Variants in SSPN observed in about 807,000 individuals in gnomAD.
SSPN encodes sarcospan.
SSPN carries 15 observed loss-of-function variants against 19.1 expected under a neutral mutation model. That is an observed-to-expected ratio of 0.78 (90% CI 0.52 to 1.21). The LOEUF (loss-of-function observed/expected upper bound fraction) is 1.21, where lower values mean the gene tolerates loss of function less well. Among genes scored for constraint, SSPN ranks in the 50% most tolerant of loss-of-function variants. The probability of loss-of-function intolerance (pLI) is 0.00; values close to 1 mark genes in which losing one functional copy is unlikely to be tolerated. For synonymous variants in SSPN, 147 were observed against 140.3 expected (o/e 1.05, Z -0.34); for missense variants, 291 against 314.0 (o/e 0.93, Z 0.55).
At chr12:26,159,023 C>T (rs968252587) in intron 1 of SSPN, among the ~76,000 whole-genome samples, 2 of 152,238 alleles carry the variant, frequency 1.3e-5, no homozygotes, top group African/African-American at 4.8e-5. Context: ...TTCATTAAGA[C>T]TCCTCATGGG....
intron 1 of SSPN, among the ~76,000 whole-genome samples, chr12:26,176,795 T>C (rs1321074476): frequency 6.6e-6 from 1 of 152,206 alleles, no homozygotes; most frequent in Non-Finnish European, 1.5e-5. Context: ...TTCCCAATTC[T>C]ACCCCCATTT....
rs1022966120 is a variant in SSPN at position 26,176,734 on chromosome 12, C to G, written c.-30-47559C>G. The stretch of plus-strand genomic sequence containing the variant: ...TCTAACATGGGAACATCGTCTCCCC[C>G]AGTTGCTGAAGTCAGATAGATACTT... On this transcript the variant is annotated intron_variant, in intron 1 of 2. Coordinates refer to the SSPN transcript ENST00000538142. Among the ~76,000 whole-genome samples the G allele has an allele frequency of 5.3e-5, 8 of 152,298 alleles. No homozygotes were observed. In the East Asian group the frequency reaches 1.5e-3, roughly 29 times the overall value.
At chr12:26,184,732 A>G (rs1313478124) in intron 1 of SSPN, among the ~76,000 whole-genome samples, 1 of 152,208 alleles carries the variant, frequency 6.6e-6, no homozygotes, top group East Asian at 1.9e-4. Flanking sequence ...AGGAAAGACT[A>G]TTACAGAAAA....
chr12:26,202,758 T>C (rs1350361145), intron 1 of SSPN, among the ~76,000 whole-genome samples: 1 of 152,206 alleles, frequency 6.6e-6, no homozygotes, highest in African/African-American at 2.4e-5. Flanking sequence ...TATTGTGGCC[T>C]GAAGGGTTAA....
intron 1 of SSPN, among the ~76,000 whole-genome samples, chr12:26,190,157 C>T (rs1043200076): frequency 2.6e-5 from 4 of 152,170 alleles, no homozygotes; most frequent in African/African-American, 7.2e-5. Context: ...GGTATGCTTC[C>T]TTTCAATAGA....
rs867387031 is a variant in SSPN at position 26,232,014 on chromosome 12, A to T, written c.*938A>T. On this transcript the variant is annotated 3_prime_UTR_variant, in exon 3 of 3. Coordinates refer to ENST00000242729, the MANE Select transcript of SSPN (RefSeq NM_005086.5). Reference sequence around the variant, plus strand: ...AAAGCCAAGCACCACAAGGAAAAAAAAAATTATTAATAGCTCAGGTTAAAA... The same window carrying T: ...AAAGCCAAGCACCACAAGGAAAAAATAAATTATTAATAGCTCAGGTTAAAA... 2.0e-6 allele frequency: 2 copies of T among 985,366 alleles called. No individual in the cohort carries two copies. The highest frequency in any genetic ancestry group is 3.5e-5 in the African/African-American group (2 of 57,352). 61.0% of individuals were successfully genotyped at this position (985,366 alleles called of 1,614,324 possible). A position where few individuals can be genotyped will look rare whatever the true frequency, so the allele number is the denominator to read the frequency against.
intron 1 of SSPN, chr12:26,123,738 G>A: frequency 1.9e-6 from 3 of 1,610,302 alleles, no homozygotes; most frequent in Non-Finnish European, 2.5e-6. Context: ...AGATGTCCCA[G>A]AGTCTGCAGT....
Position 26,229,952 on chromosome 12 carries a change from G to A in SSPN, c.367-759G>A, listed in dbSNP as rs979154499. On this transcript the variant is annotated intron_variant, in intron 2 of 2. Transcript: ENST00000242729. ...TCCCACAGCCCTGTAGCAGCAGAGC[G>A]AGAACTTTAACCAGACTTTTTCAAT... 7.9e-5 allele frequency among the ~76,000 whole-genome samples: 12 copies of A among 152,188 alleles called. 1 individual carries two copies. Among genetic ancestry groups the A allele is most frequent in the South Asian group, 6.2e-4 (3 of 4,834 alleles).
At chr12:26,124,005 C>T (rs1944339190) in intron 1 of SSPN, 1 of 1,078,434 alleles carries the variant, frequency 9.3e-7, no homozygotes, top group African/African-American at 1.6e-5. Context: ...CTTATATTTT[C>T]TGGGAGTCGC....
rs1555175654 is a variant in SSPN, at chr12:26,137,636, G to GTATGTA, written c.-31+15487_-31+15488insGTATAT. ...CATATATATGTGTGTGTGTGTGTAT[G>GTATGTA]TATATATATATATATATATATTTTT... is the stretch of plus-strand genomic sequence containing the variant. On this transcript the variant is annotated intron_variant, in intron 1 of 2. Transcript: ENST00000538142. Among the ~76,000 whole-genome samples, 10 of 31,378 alleles carry GTATGTA rather than the reference G, an allele frequency of 3.2e-4. No homozygotes were observed. In the South Asian group the frequency reaches 6.9e-3, roughly 22 times the overall value. 20.6% of individuals were successfully genotyped at this position (31,378 alleles called of 152,430 possible).
chr12:26,218,379 C>G (rs1453582196), intron 1 of SSPN, among the ~76,000 whole-genome samples: 52 of 67,204 alleles, frequency 7.7e-4, no homozygotes, highest in African/African-American at 3.1e-3. Context: ...GGGAGATATA[C>G]CTAATGCTAG....
chr12:26,146,223 G>A (rs147683268), intron 1 of SSPN, among the ~76,000 whole-genome samples: 1 of 152,312 alleles, frequency 6.6e-6, no homozygotes, highest in Non-Finnish European at 1.5e-5. Flanking sequence ...TCCAGAGTGT[G>A]CAACCTGCCG....
chr12:26,138,238 C>T (rs537692208), intron 1 of SSPN, among the ~76,000 whole-genome samples: 49 of 152,172 alleles, frequency 3.2e-4, no homozygotes, highest in Middle Eastern at 3.4e-3. Context: ...TTTTGATCCA[C>T]GATTGGTTGA....
rs146402272 is a variant in SSPN, at chr12:26,179,466, G to A, written c.-30-44827G>A. ...ACTCTGAAGGGGGAGTAGGGGTCAC[G>A]GTACCATCAGGGCAGAGGAGAATTC... On this transcript the variant is annotated intron_variant, in intron 1 of 2. Transcript: ENST00000538142. Among the ~76,000 whole-genome samples, 159 of 152,256 alleles carry A rather than the reference G, an allele frequency of 1.0e-3. 1 individual carries two copies. The highest frequency in any genetic ancestry group is 3.5e-3 in the African/African-American group (144 of 41,548).
At position 26,227,741 on chromosome 12, in the gene SSPN, G is replaced by C. The variant is rs114759397; in HGVS notation, c.367-2970G>C. Among the ~76,000 whole-genome samples the C allele has an allele frequency of 3.2e-3, 489 of 152,316 alleles. 1 individual carries two copies. Among genetic ancestry groups the C allele is most frequent in the African/African-American group, 0.011 (469 of 41,558 alleles). On this transcript the variant is annotated intron_variant, in intron 2 of 2. Transcript: ENST00000242729. Reference sequence around the variant, plus strand: ...TTGATCCTTGTAATTATCCTGTGAAGTAGGTGCTATTATGATCATCATGCC... The same window carrying C: ...TTGATCCTTGTAATTATCCTGTGAACTAGGTGCTATTATGATCATCATGCC...
At chr12:26,129,171 G>T (rs149846884) in intron 1 of SSPN, among the ~76,000 whole-genome samples, 2 of 152,250 alleles carry the variant, frequency 1.3e-5, no homozygotes, top group East Asian at 1.9e-4. Flanking sequence ...GCTTAGGGGC[G>T]TAGAGTCTCC....
At chr12:26,202,075 C>T (rs1007371421) in intron 1 of SSPN, among the ~76,000 whole-genome samples, 1 of 152,086 alleles carries the variant, frequency 6.6e-6, no homozygotes, top group Non-Finnish European at 1.5e-5. Context: ...CCTACATATG[C>T]TTTAAATCAT....
At chr12:26,163,976 T>C (rs984668635) in intron 1 of SSPN, among the ~76,000 whole-genome samples, 1 of 152,224 alleles carries the variant, frequency 6.6e-6, no homozygotes, top group Non-Finnish European at 1.5e-5. Flanking sequence ...TGTTCAATCA[T>C]AGTATATATC....
chr12:26,219,848 C>G (rs902503995), intron 1 of SSPN, among the ~76,000 whole-genome samples: 1 of 152,190 alleles, frequency 6.6e-6, no homozygotes, highest in African/African-American at 2.4e-5. Context: ...TGTGACACCA[C>G]CATCTGGGTG....
Sources: allele counts gnomAD v4.1 joint callset (sites outside exome capture counted in the v4.1 genomes callset), GRCh38; gene constraint gnomAD v4.1.1; transcripts MANE v1.5; gene names NCBI Gene and HGNC (gene_info 2026-07-23, HGNC 2026-07-21).